The following NFIC variants were observed in gnomAD, a reference collection of about 807,000 sequenced individuals.
NFIC encodes nuclear factor I C.
Under a neutral mutation model 54.4 loss-of-function variants are expected in NFIC, and 12 were observed. That is an observed-to-expected ratio of 0.22 (90% CI 0.14 to 0.36). The LOEUF (loss-of-function observed/expected upper bound fraction) is 0.36. Among genes scored for constraint, NFIC ranks in the 10% least tolerant of loss-of-function variants. NFIC has a pLI of 1.00. For synonymous variants in NFIC, 322 were observed against 319.2 expected, an observed-to-expected ratio of 1.01 and a Z score of -0.09; for missense variants, 575 against 718.2, an observed-to-expected ratio of 0.80 and a Z score of 2.28.
intron 2 of NFIC, among the ~76,000 whole-genome samples, chr19:3,414,801 G>T (rs2081825015): frequency 6.6e-6 from 1 of 151,846 alleles, no homozygotes; most frequent in Non-Finnish European, 1.5e-5. Context: ...GGGATCTAAA[G>T]TGCTTAGTTT....
chr19:3,392,320 C>T (rs2081388956), intron 2 of NFIC, among the ~76,000 whole-genome samples: 1 of 152,152 alleles, frequency 6.6e-6, no homozygotes, highest in Non-Finnish European at 1.5e-5. Context: ...GATCTACCTG[C>T]CTTGGCCTCC....
chr19:3,426,706 G>A (rs919925877), intron 3 of NFIC, among the ~76,000 whole-genome samples: 4 of 151,846 alleles, frequency 2.6e-5, no homozygotes, highest in Non-Finnish European at 4.4e-5. Context: ...TCTCCCCGTC[G>A]TCCACTCCCA....
chr19:3,391,492 A>C (rs1467004130), intron 2 of NFIC, among the ~76,000 whole-genome samples: 1 of 152,008 alleles, frequency 6.6e-6, no homozygotes, highest in Non-Finnish European at 1.5e-5. Flanking sequence ...CTCTAATAAA[A>C]ATACAAAAAT....
At chr19:3,380,428 C>G (rs754016350) in intron 1 of NFIC, among the ~76,000 whole-genome samples, 2 of 142,654 alleles carry the variant, frequency 1.4e-5, no homozygotes, top group South Asian at 2.3e-4. Context: ...CAGGTTCAAG[C>G]GATTCTCCTG....
chr19:3,386,886 T>C (rs2081305233), intron 2 of NFIC, among the ~76,000 whole-genome samples: 1 of 152,178 alleles, frequency 6.6e-6, no homozygotes, highest in Admixed American at 6.5e-5. Flanking sequence ...TGAGGTCTTA[T>C]GTAGGGTCCC....
At chr19:3,368,395 A>G (rs1391801775) in intron 1 of NFIC, among the ~76,000 whole-genome samples, 1 of 152,028 alleles carries the variant, frequency 6.6e-6, no homozygotes, top group Admixed American at 6.5e-5. Flanking sequence ...AGAATTGCTA[A>G]CTCGGCCTCA....
chr19:3,434,300 C>T lies in NFIC; in HGVS notation c.733C>T (p.Pro245Ser), dbSNP rs1390133558. ...SRTPVVTGTG[P>S]NFSLGELQGH... ...AGCACCCGTGGTGACTGGAACAGGA[C>T]CCAACTTCTCCCTGGGGGAGCTGCA... Residue 245 changes from proline to serine, a missense_variant, in exon 5 of 11, where the codon CCC (proline) becomes TCC (serine). Physicochemically the swap from Pro to Ser is moderately conservative, Grantham distance 74. Transcript: ENST00000443272. 1.2e-5 allele frequency: 19 copies of T among 1,612,536 alleles called. No homozygotes were observed. Among genetic ancestry groups the T allele is most frequent in the Middle Eastern group, 1.6e-4 (1 of 6,078 alleles).
intron 2 of NFIC, among the ~76,000 whole-genome samples, chr19:3,386,738 C>G (rs2081303016): frequency 1.3e-5 from 2 of 152,360 alleles, no homozygotes; most frequent in African/African-American, 4.8e-5. Flanking sequence ...CAGCTTCTGC[C>G]TCTGCCCTGT....
At chr19:3,417,923 C>A (rs554927227) in intron 2 of NFIC, among the ~76,000 whole-genome samples, 77 of 10,654 alleles carry the variant, frequency 7.2e-3, no homozygotes, top group Non-Finnish European at 0.014. Flanking sequence ...CAGGCGTGAT[C>A]CACCGTGCCC....
At chr19:3,407,470 C>G (rs770448956) in intron 2 of NFIC, among the ~76,000 whole-genome samples, 6 of 150,930 alleles carry the variant, frequency 4.0e-5, no homozygotes, top group Non-Finnish European at 5.9e-5. Flanking sequence ...GAGTCTCGCT[C>G]TGTCACCCAG....
At position 3,370,491 on chromosome 19, in the gene NFIC, C is replaced by A. The variant is rs1157434648; in HGVS notation, c.30+3825C>A. On this transcript the variant is annotated intron_variant, in intron 1 of 10. Coordinates refer to ENST00000443272, the MANE Select transcript of NFIC (RefSeq NM_001245002.2). This position sits in a 1 kb window ranked among gnomAD's most constrained non-coding sequence, Gnocchi z 5.2. ...AGAGTCAGCGTTCTCCTCTCTCTCT[C>A]TCTCTCTCTCTGTCTCCCTCCCTTT... 1.3e-5 allele frequency among the ~76,000 whole-genome samples: 2 copies of A among 151,866 alleles called. No individual in the cohort carries two copies. The highest frequency in any genetic ancestry group is 2.9e-5 in the Non-Finnish European group (2 of 67,942).
At chr19:3,427,380 CA>C (rs1393249720) in intron 3 of NFIC, among the ~76,000 whole-genome samples, 6 of 152,190 alleles carry the variant, frequency 3.9e-5, no homozygotes, top group Admixed American at 3.9e-4. Flanking sequence ...TGTCTGTCTA[CA>C]TCTCTGTTGT....
chr19:3,372,653 C>A (rs1391467378), intron 1 of NFIC, among the ~76,000 whole-genome samples: 1 of 149,988 alleles, frequency 6.7e-6, no homozygotes, highest in African/African-American at 2.5e-5. Flanking sequence ...ACGGTGCAGA[C>A]CAGGTGTCAC....
intron 2 of NFIC, among the ~76,000 whole-genome samples, chr19:3,397,458 G>A (rs1326929563): frequency 1.3e-5 from 2 of 152,194 alleles, no homozygotes; most frequent in Non-Finnish European, 2.9e-5. Context: ...CTGGGGGCTG[G>A]GCAGGTCTCA....
chr19:3,366,546 T>TGGGGGGGGGGGG, upstream of NFIC: 8 of 316,914 alleles, frequency 2.5e-5, no homozygotes, highest in South Asian at 2.4e-4. Context: ...GGGGGGGGGG[T>TGGGGGGGGGGGG]TGGGGGGGGC....
chr19:3,389,616 A>G (rs1011099298), intron 2 of NFIC, among the ~76,000 whole-genome samples: 1 of 152,084 alleles, frequency 6.6e-6, no homozygotes, highest in Non-Finnish European at 1.5e-5. Flanking sequence ...AATGGGGAGA[A>G]TCAGAGCTGT....
intron 6 of NFIC, 123 bp from the exon 7 acceptor site, chr19:3,448,891 T>A (rs2082412306): frequency 7.0e-7 from 1 of 1,423,850 alleles, no homozygotes; most frequent in Non-Finnish European, 9.5e-7. Flanking sequence ...CCCCTCAGGA[T>A]TCTGGGGTAA....
chr19:3,463,646 A>G lies in NFIC; in HGVS notation c.*877A>G, dbSNP rs1160900231. Reference sequence around the variant, plus strand: ...CCCCTCCACCCCCCACCCCCGGCATAGGAGGCCCCCCCACCTCGCCCGGCT... The same window carrying G: ...CCCCTCCACCCCCCACCCCCGGCATGGGAGGCCCCCCCACCTCGCCCGGCT... On this transcript the variant is annotated 3_prime_UTR_variant, in exon 11 of 11. Coordinates refer to ENST00000443272, the MANE Select transcript of NFIC (RefSeq NM_001245002.2). 3.1e-5 allele frequency: 21 copies of G among 669,952 alleles called. No individual in the cohort carries two copies. The East Asian group carries it at 2.4e-3, about 75-fold the overall frequency. The allele number at this position is 669,952 out of a possible 1,614,324, so 41.5% of individuals were successfully genotyped here. A position where few individuals can be genotyped will look rare whatever the true frequency, so the allele number is the denominator to read the frequency against.
In NFIC at chr19:3,370,280, C is replaced by T. The variant is rs1348911721; in HGVS notation, c.30+3614C>T. On this transcript the variant is annotated intron_variant, in intron 1 of 10. Coordinates refer to ENST00000443272, the MANE Select transcript of NFIC (RefSeq NM_001245002.2). The surrounding 1 kb of genome is among the most constrained non-coding windows in gnomAD (Gnocchi z 5.2). ...CAGGTGGGCGCTCTCTCCCCGTGTG[C>T]CCCCCACCCGGGGCCTGGTGGCCTC... Among the ~76,000 whole-genome samples the T allele has an allele frequency of 6.6e-6, 1 of 152,054 alleles. No individual in the cohort carries two copies. The highest frequency in any genetic ancestry group is 1.9e-4 in the East Asian group (1 of 5,182).
Sources: gnomAD v4.1 joint callset for allele counts (sites outside exome capture counted in the v4.1 genomes callset) on GRCh38, gnomAD v4.1.1 for gene constraint, Gnocchi (gnomAD v3.1) non-coding constraint, MANE v1.5 for transcripts, NCBI Gene and HGNC (gene_info 2026-07-23, HGNC 2026-07-21) for gene names.